Variants in SNTG2 observed in about 807,000 individuals in gnomAD.
SNTG2 encodes syntrophin gamma 2.
Under a neutral mutation model 70.9 loss-of-function variants are expected in SNTG2, and 74 were observed. That is an observed-to-expected ratio of 1.04 (90% CI 0.86 to 1.27). The LOEUF (loss-of-function observed/expected upper bound fraction) is 1.27. Among genes scored for constraint, SNTG2 ranks in the 50% most tolerant of loss-of-function variants. The pLI is 0.00. For synonymous variants in SNTG2, 278 were observed against 273.8 expected (o/e 1.02, Z -0.15); for missense variants, 717 against 690.7 (o/e 1.04, Z -0.43).
intron 4 of SNTG2, among the ~76,000 whole-genome samples, chr2:1,118,322 T>C (rs1667169141): frequency 6.6e-6 from 1 of 152,082 alleles, no homozygotes; most frequent in Non-Finnish European, 1.5e-5. Flanking sequence ...GTAGGATACA[T>C]GAAGCCCTTG....
Position 1,247,409 on chromosome 2 carries a change from A to G in SNTG2, c.971A>G (p.Lys324Arg). 2 of 1,613,864 alleles carry G rather than the reference A, an allele frequency of 1.2e-6. No homozygotes were observed. The highest frequency in any genetic ancestry group is 1.7e-6 in the Non-Finnish European group (2 of 1,179,784). ...QTFRPKFLAL[K>R]GPSFYVFSTP... ...TTCAGACCCAAGTTCCTAGCACTGAAGGGCCCGTCCTTCTACGTTTTCAGC... is the reference window on the plus strand; with the variant it reads ...TTCAGACCCAAGTTCCTAGCACTGAGGGGCCCGTCCTTCTACGTTTTCAGC... The change falls in exon 12 of 17, where the codon AAG becomes AGG. Residue 324 changes from lysine to arginine, a missense_variant. By Grantham distance (26) the Lys-to-Arg change is conservative (BLOSUM62 2). Transcript: ENST00000308624.
intron 1 of SNTG2, among the ~76,000 whole-genome samples, chr2:1,061,655 T>C (rs918466206): frequency 4.6e-5 from 7 of 152,208 alleles, no homozygotes; most frequent in African/African-American, 1.7e-4. Context: ...GGGTGCTCTG[T>C]GTCCTGCTCG....
At chr2:1,218,034 T>C (rs181640517) in intron 9 of SNTG2, among the ~76,000 whole-genome samples, 25 of 152,142 alleles carry the variant, frequency 1.6e-4, no homozygotes, top group Non-Finnish European at 3.2e-4. Context: ...TTCAGTCCCT[T>C]GACTTTATAG....
chr2:1,209,816 G>A (rs73173519), intron 9 of SNTG2, among the ~76,000 whole-genome samples: 2,314 of 152,308 alleles, frequency 0.015, 57 homozygotes, highest in African/African-American at 0.051. Flanking sequence ...TAATGAGTTG[G>A]TGAATTTCCT....
At chr2:1,284,075 A>T (rs1313787708) in intron 14 of SNTG2, among the ~76,000 whole-genome samples, 1 of 152,134 alleles carries the variant, frequency 6.6e-6, no homozygotes, top group Non-Finnish European at 1.5e-5. Context: ...AGCTCCTGTG[A>T]ATCTCCCCCG....
intron 15 of SNTG2, among the ~76,000 whole-genome samples, chr2:1,312,275 C>T (rs9678815): frequency 0.38 from 57,507 of 151,938 alleles, 11,328 homozygotes; most frequent in Middle Eastern, 0.52. Flanking sequence ...AGATGGAGGG[C>T]GTCCCTGCCC....
rs560680424 is a variant in SNTG2 at position 1,265,093 on chromosome 2, G to A, written c.1078-2272G>A. 3.3e-4 allele frequency among the ~76,000 whole-genome samples: 50 copies of A among 151,970 alleles called. No individual in the cohort carries two copies. The South Asian group carries it at 8.1e-3, about 25-fold the overall frequency. ...ATGAGCCATTCAATGGGGGATGTGC[G>A]TTCCCACATAAATATCTTCCAAAAG... is the stretch of plus-strand genomic sequence containing the variant. On this transcript the variant is annotated intron_variant, in intron 13 of 16. Coordinates refer to ENST00000308624, the MANE Select transcript of SNTG2 (RefSeq NM_018968.4).
At position 1,159,084 on chromosome 2, in the gene SNTG2, G is replaced by A. The variant is rs191839971; in HGVS notation, c.412-6464G>A. Among the ~76,000 whole-genome samples the A allele has an allele frequency of 1.0e-4, 15 of 144,510 alleles. No homozygotes were observed. In the East Asian group the frequency reaches 1.4e-3, roughly 14 times the overall value. 94.8% of individuals were successfully genotyped at this position (144,510 alleles called of 152,430 possible). A position where few individuals can be genotyped will look rare whatever the true frequency, so the allele number is the denominator to read the frequency against. On this transcript the variant is annotated intron_variant, in intron 6 of 16. Coordinates refer to ENST00000308624, the MANE Select transcript of SNTG2 (RefSeq NM_018968.4). ...TGTACCTGTGTGTGCACGTGTGTCC[G>A]TGTGTATGTGCATGCGTGTACCTGT...
chr2:1,129,575 ATTAAT>A (rs1404128032), intron 4 of SNTG2, among the ~76,000 whole-genome samples: 3 of 152,340 alleles, frequency 2.0e-5, no homozygotes, highest in South Asian at 4.1e-4. Context: ...TTGTGACCGC[ATTAAT>A]TTAACTTTGT....
chr2:1,092,494 C>T (rs191665082), intron 2 of SNTG2, among the ~76,000 whole-genome samples: 15 of 152,274 alleles, frequency 9.9e-5, no homozygotes, highest in Middle Eastern at 3.4e-3. Context: ...ATGGTACAGG[C>T]GCAGTGTTTT....
intron 4 of SNTG2, among the ~76,000 whole-genome samples, chr2:1,101,231 C>G (rs1665762931): frequency 6.6e-6 from 1 of 152,196 alleles, no homozygotes; most frequent in South Asian, 2.1e-4. Context: ...CCCCCTCCCC[C>G]AGCCAGCTTG....
At chr2:1,027,273 G>A (rs1660531609) in intron 1 of SNTG2, among the ~76,000 whole-genome samples, 2 of 152,160 alleles carry the variant, frequency 1.3e-5, no homozygotes, top group Middle Eastern at 6.8e-3. Flanking sequence ...ATAAGCAGGT[G>A]CGTCTGACCC....
chr2:1,325,339 T>C (rs570959113), intron 16 of SNTG2, among the ~76,000 whole-genome samples: 2 of 152,364 alleles, frequency 1.3e-5, no homozygotes, highest in South Asian at 4.1e-4. Context: ...GTTTACCCAA[T>C]TGCTGTAAGC....
At chr2:957,274 G>A (rs1216141929) in intron 1 of SNTG2, among the ~76,000 whole-genome samples, 1 of 152,078 alleles carries the variant, frequency 6.6e-6, no homozygotes, top group Non-Finnish European at 1.5e-5. Flanking sequence ...AGAAAGTCCA[G>A]CCTTTGTATT....
intron 2 of SNTG2, among the ~76,000 whole-genome samples, chr2:1,096,204 T>C (rs1302756601): frequency 6.6e-6 from 1 of 152,200 alleles, no homozygotes; most frequent in Non-Finnish European, 1.5e-5. Context: ...TTCAGCTTTA[T>C]TGAGCTACAA....
chr2:1,207,278 A>C (rs548783544), intron 8 of SNTG2, among the ~76,000 whole-genome samples: 1 of 152,376 alleles, frequency 6.6e-6, no homozygotes, highest in Non-Finnish European at 1.5e-5. Context: ...GTAACCATGA[A>C]TGAATATCTG....
intron 16 of SNTG2, among the ~76,000 whole-genome samples, chr2:1,355,331 C>T (rs757058651): frequency 3.9e-5 from 6 of 152,180 alleles, no homozygotes; most frequent in Non-Finnish European, 8.8e-5. Flanking sequence ...AAACTGCACC[C>T]GTGGAACGGC....
At chr2:1,243,811 A>T (rs1677205512) in intron 11 of SNTG2, among the ~76,000 whole-genome samples, 1 of 152,384 alleles carries the variant, frequency 6.6e-6, no homozygotes, top group Non-Finnish European at 1.5e-5. Flanking sequence ...GCAGATCAGG[A>T]GGCCAGGAGT....
intron 6 of SNTG2, among the ~76,000 whole-genome samples, chr2:1,139,132 CAATT>C (rs1229081181): frequency 6.6e-6 from 1 of 152,238 alleles, no homozygotes; most frequent in Non-Finnish European, 1.5e-5. Context: ...AAACACATCA[CAATT>C]GATAGAGAGG....
Sources: gnomAD v4.1 joint callset for allele counts (sites outside exome capture counted in the v4.1 genomes callset) on GRCh38, gnomAD v4.1.1 for gene constraint, MANE v1.5 for transcripts, NCBI Gene and HGNC (gene_info 2026-07-23, HGNC 2026-07-21) for gene names.